KAZN: variants seen among roughly 807,000 people sequenced by gnomAD.
KAZN encodes the protein kazrin.
In KAZN, 40 loss-of-function variants were observed where a neutral mutation model predicts 87.4. The observed-to-expected ratio is 0.46, with a 90% confidence interval of 0.36 to 0.60. The LOEUF is 0.60. KAZN is among the 20% of genes least tolerant of loss of function. The pLI, the probability that KAZN is intolerant of heterozygous loss-of-function variation, is 0.00. For synonymous variants in KAZN, 466 were observed against 458.3 expected (o/e 1.02, Z -0.22); for missense variants, 898 against 1,073.9 (o/e 0.84, Z 2.29).
intron 2 of KAZN, among the ~76,000 whole-genome samples, chr1:14,566,416 C>T (rs919058782): frequency 1.3e-5 from 2 of 152,168 alleles, no homozygotes; most frequent in African/African-American, 4.8e-5. Flanking sequence ...CAGATGAGTA[C>T]ATTTAGCACA....
intron 1 of KAZN, among the ~76,000 whole-genome samples, chr1:14,891,109 G>T (rs1369607609): frequency 6.6e-6 from 1 of 152,086 alleles, no homozygotes; most frequent in African/African-American, 2.4e-5. Flanking sequence ...CTCCCAAAGT[G>T]CTGGGATTAC....
intron 1 of KAZN, among the ~76,000 whole-genome samples, chr1:14,922,736 G>A (rs1324959585): frequency 2.0e-5 from 3 of 147,502 alleles, no homozygotes; most frequent in Non-Finnish European, 1.5e-5. Flanking sequence ...AAGTTGCAGT[G>A]AGCCAAGATC....
chr1:14,722,716 G>A (rs999596694), intron 1 of KAZN, among the ~76,000 whole-genome samples: 1 of 152,074 alleles, frequency 6.6e-6, no homozygotes, highest in Non-Finnish European at 1.5e-5. Flanking sequence ...TGCCCTCGTG[G>A]CCTATGGTCT....
At chr1:13,936,187 C>T (rs1051469239) in intron 1 of KAZN, among the ~76,000 whole-genome samples, 1 of 141,076 alleles carries the variant, frequency 7.1e-6, no homozygotes, top group African/African-American at 2.6e-5. Context: ...ACCTCTGCCT[C>T]CCAGGTTCAA....
chr1:14,004,623 T>C (rs2101158801), intron 1 of KAZN, among the ~76,000 whole-genome samples: 1 of 152,214 alleles, frequency 6.6e-6, no homozygotes, highest in East Asian at 1.9e-4. Flanking sequence ...TGTTTCTTGA[T>C]CCAGGTGCTG....
At chr1:14,900,762 A>T (rs1227281544) in intron 1 of KAZN, among the ~76,000 whole-genome samples, 1 of 151,026 alleles carries the variant, frequency 6.6e-6, no homozygotes, top group African/African-American at 2.4e-5. Flanking sequence ...TCAAAAAAAA[A>T]AAAAAAGAGC....
chr1:13,978,734 C>G (rs188504534), intron 1 of KAZN, among the ~76,000 whole-genome samples: 150 of 151,898 alleles, frequency 9.9e-4, no homozygotes, highest in African/African-American at 3.4e-3. Flanking sequence ...GCTTAAGAGA[C>G]AGGTAAGATG....
intron 8 of KAZN, among the ~76,000 whole-genome samples, chr1:15,092,129 T>G (rs865851418): frequency 9.2e-4 from 132 of 143,330 alleles, no homozygotes; most frequent in African/African-American, 3.4e-3. Context: ...CAGGCTGGAG[T>G]GCAATGGCGC....
intron 2 of KAZN, among the ~76,000 whole-genome samples, chr1:14,520,631 G>A (rs2148463639): frequency 6.6e-6 from 1 of 152,322 alleles, no homozygotes; most frequent in Middle Eastern, 3.4e-3. Flanking sequence ...GCCCAGGCAA[G>A]AGCTCAGCAC....
rs1458291298 is a variant in KAZN at position 14,129,566 on chromosome 1, C to A, written c.92-50869C>A. ...CCTGGTTGGCTGCCCATCTGTGGGG[C>A]TGTGCTGCGTCTTTGCAGAGCTCAG... On this transcript the variant is annotated intron_variant, in intron 1 of 16. Transcript: ENST00000636203. Among the ~76,000 whole-genome samples, 87 of 152,312 alleles carry A rather than the reference C, an allele frequency of 5.7e-4. 1 individual carries two copies. Among genetic ancestry groups the A allele is most frequent in the East Asian group, 1.4e-3 (7 of 5,184 alleles).
At chr1:14,631,774 C>G (rs573338089) in intron 1 of KAZN, among the ~76,000 whole-genome samples, 1 of 152,248 alleles carries the variant, frequency 6.6e-6, no homozygotes, top group Admixed American at 6.5e-5. Context: ...TAGCTGCTCC[C>G]CTCGTGTTGG....
intron 1 of KAZN, among the ~76,000 whole-genome samples, chr1:13,934,434 T>C (rs973292780): frequency 6.6e-6 from 1 of 152,186 alleles, no homozygotes; most frequent in Non-Finnish European, 1.5e-5. Flanking sequence ...TTAATGTCAT[T>C]GTGCTTTTGT....
At chr1:14,317,060 A>G (rs112953513) in intron 2 of KAZN, among the ~76,000 whole-genome samples, 3,283 of 151,944 alleles carry the variant, frequency 0.022, 129 homozygotes, top group African/African-American at 0.075. Context: ...TTGGTTGAGT[A>G]TTGTTCATGT....
At chr1:14,180,029 T>A (rs1042270405) in intron 1 of KAZN, among the ~76,000 whole-genome samples, 16 of 152,224 alleles carry the variant, frequency 1.1e-4, no homozygotes, top group African/African-American at 3.9e-4. Flanking sequence ...TTACCATAAA[T>A]GTAAATCTAG....
chr1:14,205,730 A>C (rs749311331), intron 2 of KAZN, among the ~76,000 whole-genome samples: 1 of 151,728 alleles, frequency 6.6e-6, no homozygotes, highest in African/African-American at 2.4e-5. Flanking sequence ...AAAAAATGCA[A>C]AATAAATTAG....
At chr1:14,195,353 G>T (rs115827150) in intron 2 of KAZN, among the ~76,000 whole-genome samples, 2 of 151,884 alleles carry the variant, frequency 1.3e-5, no homozygotes, top group South Asian at 2.1e-4. Flanking sequence ...TTCATTCTGC[G>T]TTGCTGATAG....
intron 1 of KAZN, among the ~76,000 whole-genome samples, chr1:14,148,721 G>T (rs56044704): frequency 0.13 from 20,482 of 152,208 alleles, 1,687 homozygotes; most frequent in South Asian, 0.21. Context: ...AGCAGATGGG[G>T]AATTATGTAC....
At chr1:13,955,808 A>C (rs560728520) in intron 1 of KAZN, among the ~76,000 whole-genome samples, 2 of 152,272 alleles carry the variant, frequency 1.3e-5, no homozygotes, top group East Asian at 3.9e-4. Flanking sequence ...CCTAACTCCA[A>C]CCTTTAGGGA....
In KAZN at chr1:14,296,629, CTTTTTTTT is replaced by C. The variant is rs775666706; in HGVS notation, c.249+116054_249+116061del. Among the ~76,000 whole-genome samples, 7 of 82,758 alleles carry C rather than the reference CTTTTTTTT, an allele frequency of 8.5e-5. No individual in the cohort carries two copies. The East Asian group carries it at 1.2e-3, about 15-fold the overall frequency. The allele number at this position is 82,758 out of a possible 152,430, so 54.3% of individuals were successfully genotyped here. On this transcript the variant is annotated intron_variant, in intron 2 of 16. Transcript: ENST00000636203. Reference sequence around the variant, plus strand: ...AATGTAGGGCTGAGTTTTTGTATTTCTTTTTTTTTTTTTTTTTTTTTTTTGAGACAAAA... The same window carrying C: ...AATGTAGGGCTGAGTTTTTGTATTTCTTTTTTTTTTTTTTTTGAGACAAAA...
Sources: allele counts gnomAD v4.1 joint callset (sites outside exome capture counted in the v4.1 genomes callset), GRCh38; gene constraint gnomAD v4.1.1; transcripts MANE v1.5; gene names NCBI Gene and HGNC (gene_info 2026-07-23, HGNC 2026-07-21).